Variants in FAM78B observed in about 807,000 individuals in gnomAD.
FAM78B encodes the protein family with sequence similarity 78 member B, also known as protein FAM78B.
A neutral mutation model predicts 20.0 loss-of-function variants in FAM78B; 10 were observed. The ratio of observed to expected loss-of-function variants is 0.50; its 90% CI spans 0.31 to 0.85. The LOEUF (loss-of-function observed/expected upper bound fraction) is 0.85, where lower values mean the gene tolerates loss of function less well. FAM78B is among the 40% of genes least tolerant of loss of function. The probability of loss-of-function intolerance (pLI) is 0.05; values close to 1 mark genes in which losing one functional copy is unlikely to be tolerated. For synonymous variants in FAM78B, 135 were observed against 132.8 expected, an observed-to-expected ratio of 1.02 and a Z score of -0.12; for missense variants, 283 against 345.0, an observed-to-expected ratio of 0.82 and a Z score of 1.42.
intron 1 of FAM78B, among the ~76,000 whole-genome samples, chr1:166,092,032 A>ATTTTTT (rs11286787): frequency 1.6e-5 from 2 of 126,010 alleles, no homozygotes; most frequent in Admixed American, 7.7e-5. Context: ...TTGAGCCATC[A>ATTTTTT]TTTTTTTTTT....
chr1:166,071,393 C>T (rs1171405351), intron 1 of FAM78B, among the ~76,000 whole-genome samples: 2 of 152,192 alleles, frequency 1.3e-5, no homozygotes, highest in African/African-American at 4.8e-5. Flanking sequence ...GTTCTACAGG[C>T]TGGCATACAC....
chr1:166,075,700 C>T (rs1451154712), intron 1 of FAM78B, among the ~76,000 whole-genome samples: 1 of 152,222 alleles, frequency 6.6e-6, no homozygotes, highest in African/African-American at 2.4e-5. Context: ...TCTGCCTCAT[C>T]TTTCAACCTT....
chr1:166,129,355 G>C (rs1478545415), intron 1 of FAM78B, among the ~76,000 whole-genome samples: 1 of 152,202 alleles, frequency 6.6e-6, no homozygotes. Context: ...AAAGCCCCAG[G>C]CTGAGTTGCT....
downstream of FAM78B, among the ~76,000 whole-genome samples, chr1:166,067,877 T>G (rs1454445236): frequency 6.6e-6 from 1 of 152,182 alleles, no homozygotes; most frequent in African/African-American, 2.4e-5. Flanking sequence ...TGGGGGTAAT[T>G]TCTTTTAAAA....
At chr1:166,067,986 A>C (rs1030355639), downstream of FAM78B, among the ~76,000 whole-genome samples, 10 of 152,228 alleles carry the variant, frequency 6.6e-5, no homozygotes, top group Non-Finnish European at 1.0e-4. Context: ...GTTATTTGTA[A>C]ATATAGTTGT....
chr1:166,129,895 AAT>A (rs1459965869), intron 1 of FAM78B, among the ~76,000 whole-genome samples: 1 of 152,218 alleles, frequency 6.6e-6, no homozygotes, highest in African/African-American at 2.4e-5. Flanking sequence ...AATTAGGGAC[AAT>A]GAACACATTT....
chr1:166,162,312 T>A (rs1413786057), intron 1 of FAM78B, among the ~76,000 whole-genome samples: 3 of 152,178 alleles, frequency 2.0e-5, no homozygotes, highest in African/African-American at 7.2e-5. Flanking sequence ...GCAGGACCTG[T>A]CTCTTGAAGC....
At chr1:166,115,942 C>A (rs1557905698) in intron 1 of FAM78B, among the ~76,000 whole-genome samples, 1 of 152,218 alleles carries the variant, frequency 6.6e-6, no homozygotes, top group Non-Finnish European at 1.5e-5. Context: ...CTTTTCAAGA[C>A]TGTAATGTTC....
At chr1:166,123,676 T>C (rs1034751475) in intron 1 of FAM78B, among the ~76,000 whole-genome samples, 3 of 152,082 alleles carry the variant, frequency 2.0e-5, no homozygotes, top group African/African-American at 7.2e-5. Context: ...ACTGGGAAAG[T>C]TCCTAGCAGA....
chr1:166,109,688 T>G (rs535694459), intron 1 of FAM78B, among the ~76,000 whole-genome samples: 1 of 150,490 alleles, frequency 6.6e-6, no homozygotes. Flanking sequence ...AGAGTCATTA[T>G]TTGAAAAATA....
At chr1:166,143,546 G>A (rs1157749962) in intron 1 of FAM78B, among the ~76,000 whole-genome samples, 1 of 152,134 alleles carries the variant, frequency 6.6e-6, no homozygotes, top group Non-Finnish European at 1.5e-5. Context: ...AACCTTAGGA[G>A]GCTTTTAAAT....
chr1:166,136,387 G>A lies in FAM78B; in HGVS notation c.263+29599C>T, dbSNP rs370343704. On this transcript the variant is annotated intron_variant, in intron 1 of 1. Coordinates refer to ENST00000354422, the MANE Select transcript of FAM78B (RefSeq NM_001017961.5). The stretch of plus-strand genomic sequence containing the variant: ...TGCAGGGACAGGGTGTGAGGGTTGG[G>A]GAAGCTGACTTCTAGCTGTGTGCTG... 3.7e-4 allele frequency among the ~76,000 whole-genome samples: 57 copies of A among 152,234 alleles called. No homozygotes were observed. The East Asian group carries it at 9.1e-3, about 24-fold the overall frequency.
At chr1:166,122,595 G>T (rs1557908204) in intron 1 of FAM78B, among the ~76,000 whole-genome samples, 1 of 152,264 alleles carries the variant, frequency 6.6e-6, no homozygotes, top group East Asian at 1.9e-4. Context: ...TCCAAATGTG[G>T]AAAGGGCATT....
intron 1 of FAM78B, among the ~76,000 whole-genome samples, chr1:166,146,280 A>G (rs1343506133): frequency 2.6e-5 from 4 of 152,184 alleles, no homozygotes; most frequent in African/African-American, 9.7e-5. Context: ...TCAGGGTTTT[A>G]CGGCATCTGG....
At chr1:166,114,623 T>TG (rs1229313824) in intron 1 of FAM78B, among the ~76,000 whole-genome samples, 2 of 152,304 alleles carry the variant, frequency 1.3e-5, no homozygotes, top group Admixed American at 1.3e-4. Flanking sequence ...TGAAAAGACT[T>TG]GGTCCATCCT....
chr1:166,109,890 G>GTATATGTGTATATATATATATATA (rs1653970010), intron 1 of FAM78B, among the ~76,000 whole-genome samples: 1 of 23,192 alleles, frequency 4.3e-5, no homozygotes, highest in Non-Finnish European at 1.1e-4. Context: ...ATGTATATAT[G>GTATATGTGTATATATATATATATA]TATATATATA....
At chr1:166,132,246 T>C (rs568463804) in intron 1 of FAM78B, among the ~76,000 whole-genome samples, 1 of 152,324 alleles carries the variant, frequency 6.6e-6, no homozygotes, top group East Asian at 1.9e-4. Flanking sequence ...TTTTGGTTTT[T>C]CTGTCCTCTC....
downstream of FAM78B, among the ~76,000 whole-genome samples, chr1:166,068,900 T>G (rs1231933959): frequency 1.3e-5 from 2 of 152,124 alleles, no homozygotes; most frequent in African/African-American, 4.8e-5. Context: ...AATCCTCACT[T>G]AAAGACTGGA....
intron 1 of FAM78B, among the ~76,000 whole-genome samples, chr1:166,110,073 G>C (rs1653990383): frequency 6.7e-6 from 1 of 150,242 alleles, no homozygotes; most frequent in Non-Finnish European, 1.5e-5. Flanking sequence ...AAGGTATGAG[G>C]ACACAAAGGC....
Sources: gnomAD v4.1 joint callset for allele counts (sites outside exome capture counted in the v4.1 genomes callset) on GRCh38, gnomAD v4.1.1 for gene constraint, MANE v1.5 for transcripts, NCBI Gene and HGNC (gene_info 2026-07-23, HGNC 2026-07-21) for gene names.